The following MAPK10 variants were observed in gnomAD, a reference collection of about 807,000 sequenced individuals.
MAPK10 encodes the protein JNK3 alpha protein kinase.
In MAPK10, 25 loss-of-function variants were observed where a neutral mutation model predicts 59.3. The observed-to-expected ratio is 0.42, with a 90% CI of 0.31 to 0.59. The LOEUF (loss-of-function observed/expected upper bound fraction) is 0.59. Ranked by LOEUF, MAPK10 falls within the 20% of genes least tolerant of loss-of-function variation. MAPK10 has a pLI of 0.15. For synonymous variants in MAPK10, 190 were observed against 200.5 expected (o/e 0.95, Z 0.44); for missense variants, 351 against 568.9 (o/e 0.62, Z 3.90).
At chr4:86,076,627 C>G (rs2049533772) in intron 9 of MAPK10, among the ~76,000 whole-genome samples, 2 of 152,036 alleles carry the variant, frequency 1.3e-5, no homozygotes, top group South Asian at 4.1e-4. Context: ...TTTCTGAAGC[C>G]CCTTCCTTAG....
At chr4:86,151,897 A>C (rs2066569198) in intron 4 of MAPK10, 1 of 152,250 alleles carries the variant, frequency 6.6e-6, no homozygotes, top group African/African-American at 2.4e-5. Flanking sequence ...CTGTAAACTA[A>C]GTATTTTGCA....
chr4:86,303,220 T>A (rs1196228524), intron 2 of MAPK10, among the ~76,000 whole-genome samples: 2 of 152,206 alleles, frequency 1.3e-5, no homozygotes, highest in African/African-American at 4.8e-5. Context: ...CTTTTCAATT[T>A]CATGCTAAAT....
chr4:86,123,741 C>G (rs1410218859), intron 4 of MAPK10: 1 of 152,002 alleles, frequency 6.6e-6, no homozygotes, highest in Non-Finnish European at 1.5e-5. Context: ...CATGTACTTA[C>G]TTTTAGGTCA....
rs143793057 is a variant in MAPK10 at position 86,134,732 on chromosome 4, G to A, written c.236+24566C>T. Among the ~76,000 whole-genome samples, 457 of 152,334 alleles carry A rather than the reference G, an allele frequency of 3.0e-3. 5 individuals are homozygous for A. The highest frequency in any genetic ancestry group is 0.026 in the East Asian group (133 of 5,184). Reference sequence around the variant, plus strand: ...CCAGTCTACAGCTCCCAGCGTGAGCGACACAGAAGACAGTGATTTCTGCAT... The same window carrying A: ...CCAGTCTACAGCTCCCAGCGTGAGCAACACAGAAGACAGTGATTTCTGCAT... On this transcript the variant is annotated intron_variant, in intron 4 of 13. Coordinates refer to ENST00000641462, the MANE Select transcript of MAPK10 (RefSeq NM_138982.4).
At chr4:86,262,573 A>G (rs1203328841) in intron 2 of MAPK10, among the ~76,000 whole-genome samples, 1 of 152,190 alleles carries the variant, frequency 6.6e-6, no homozygotes, top group Non-Finnish European at 1.5e-5. Context: ...CCTAGTGTGT[A>G]CTGAACCTAG....
At chr4:86,350,404 T>C (rs976366609) in intron 2 of MAPK10, among the ~76,000 whole-genome samples, 4 of 152,112 alleles carry the variant, frequency 2.6e-5, no homozygotes, top group African/African-American at 9.7e-5. Context: ...TTAGTAGAGA[T>C]GGGGTTTCAC....
chr4:86,198,906 CA>C (rs1186377073), intron 2 of MAPK10, among the ~76,000 whole-genome samples: 2 of 151,280 alleles, frequency 1.3e-5, no homozygotes, highest in African/African-American at 4.9e-5. Context: ...AAATAAAACC[CA>C]AAAAATTGAA....
chr4:86,385,317 A>G (rs1741317543), intron 1 of MAPK10, among the ~76,000 whole-genome samples: 1 of 152,198 alleles, frequency 6.6e-6, no homozygotes, highest in Admixed American at 6.5e-5. Context: ...TTAGCAATTT[A>G]ACAACCATTG....
intron 9 of MAPK10, chr4:86,081,437 G>C (rs998047801): frequency 1.3e-5 from 2 of 151,540 alleles, no homozygotes; most frequent in Admixed American, 1.3e-4. Flanking sequence ...GAAGATATTT[G>C]CAACACATAA....
In MAPK10 at chr4:86,458,491, C is replaced by T. The variant is rs530133787; in HGVS notation, c.-262-103847G>A. ...ACAAAAAAAAAAGAACAAATCTGGA[C>T]GCATCACATGACCTGATTTCAAACT... On this transcript the variant is annotated intron_variant, in intron 1 of 4. Transcript: ENST00000502302. 2.2e-4 allele frequency among the ~76,000 whole-genome samples: 34 copies of T among 151,952 alleles called. No homozygotes were observed. In the South Asian group the frequency reaches 5.0e-3, roughly 22 times the overall value.
At chr4:86,328,150 T>A (rs2096070357) in intron 2 of MAPK10, among the ~76,000 whole-genome samples, 1 of 151,770 alleles carries the variant, frequency 6.6e-6, no homozygotes, top group South Asian at 2.1e-4. Flanking sequence ...TTTAACAAAT[T>A]TACAAGAAAG....
At chr4:86,036,451 C>T (rs968308142) in intron 11 of MAPK10, among the ~76,000 whole-genome samples, 2 of 151,806 alleles carry the variant, frequency 1.3e-5, no homozygotes, top group Admixed American at 6.6e-5. Context: ...ACACTGTTCT[C>T]TATCTAGTTA....
chr4:86,103,511 G>C (rs1421065527), intron 5 of MAPK10, among the ~76,000 whole-genome samples: 1 of 152,066 alleles, frequency 6.6e-6, no homozygotes, highest in Non-Finnish European at 1.5e-5. Context: ...TTGTTACACT[G>C]CTTTCAAGTG....
At chr4:86,076,769 A>G (rs2049572779) in intron 9 of MAPK10, among the ~76,000 whole-genome samples, 2 of 152,182 alleles carry the variant, frequency 1.3e-5, no homozygotes, top group Admixed American at 1.3e-4. Context: ...AATATTAACT[A>G]GATTTTATGA....
chr4:86,050,895 C>T (rs1244292479), intron 11 of MAPK10, among the ~76,000 whole-genome samples: 5 of 152,032 alleles, frequency 3.3e-5, no homozygotes, highest in South Asian at 4.1e-4. Flanking sequence ...CAACACATAC[C>T]TTAGGTAAGA....
At chr4:86,324,238 C>G (rs1366027366) in intron 2 of MAPK10, among the ~76,000 whole-genome samples, 2 of 152,080 alleles carry the variant, frequency 1.3e-5, no homozygotes, top group African/African-American at 4.8e-5. Flanking sequence ...GAAACCTCCT[C>G]TCTACTAAAA....
intron 4 of MAPK10, among the ~76,000 whole-genome samples, chr4:86,157,412 A>G (rs1029633930): frequency 6.6e-6 from 1 of 151,958 alleles, no homozygotes; most frequent in Non-Finnish European, 1.5e-5. Flanking sequence ...TTCTGCTCCA[A>G]AGAAAATAAG....
At chr4:86,479,465 A>T (rs899127552) in intron 1 of MAPK10, among the ~76,000 whole-genome samples, 1 of 114,718 alleles carries the variant, frequency 8.7e-6, no homozygotes, top group Non-Finnish European at 1.9e-5. Context: ...CTTGGACTGC[A>T]CCCCCCACCA....
chr4:86,286,065 A>T (rs2094995845), intron 2 of MAPK10, among the ~76,000 whole-genome samples: 2 of 152,232 alleles, frequency 1.3e-5, no homozygotes, highest in Admixed American at 1.3e-4. Flanking sequence ...ACCCTCACAG[A>T]CATACTCAGA....
Sources: gnomAD v4.1 joint callset for allele counts (sites outside exome capture counted in the v4.1 genomes callset) on GRCh38, gnomAD v4.1.1 for gene constraint, MANE v1.5 for transcripts, NCBI Gene and HGNC (gene_info 2026-07-23, HGNC 2026-07-21) for gene names.